RSU1: variants seen among roughly 807,000 people sequenced by gnomAD.
The protein encoded by RSU1 is Ras suppressor protein 1.
RSU1 carries 26 observed loss-of-function variants against 31.1 expected under a neutral mutation model. That is an observed-to-expected ratio of 0.84 (90% confidence interval 0.61 to 1.16). The LOEUF (loss-of-function observed/expected upper bound fraction) is 1.16. Ranked by LOEUF, RSU1 falls within the 50% of genes most tolerant of loss-of-function variation. The pLI is 0.00. For missense variants in RSU1, 320 were observed against 339.1 expected (o/e 0.94, Z 0.44); for synonymous variants, 164 against 136.3 (o/e 1.20, Z -1.41).
At chr10:16,613,086 G>T (rs989251507) in intron 8 of RSU1, among the ~76,000 whole-genome samples, 1 of 151,798 alleles carries the variant, frequency 6.6e-6, no homozygotes, top group South Asian at 2.1e-4. Context: ...AATCATCATC[G>T]CCTCTCCCCC....
chr10:16,614,511 A>G (rs115930556), intron 8 of RSU1, among the ~76,000 whole-genome samples: 2,614 of 152,304 alleles, frequency 0.017, 79 homozygotes, highest in African/African-American at 0.059. Context: ...AAGAGTATCA[A>G]TGGATTGTTT....
intron 3 of RSU1, among the ~76,000 whole-genome samples, chr10:16,781,654 A>G (rs1837652523): frequency 6.6e-6 from 1 of 152,134 alleles, no homozygotes; most frequent in Non-Finnish European, 1.5e-5. Context: ...CAGAGCAACA[A>G]TGTCATTTTT....
intron 8 of RSU1, among the ~76,000 whole-genome samples, chr10:16,605,612 C>T (rs1305343768): frequency 1.3e-5 from 2 of 152,160 alleles, no homozygotes. Context: ...GCATCACTTC[C>T]TGATGTCCTC....
intron 8 of RSU1, among the ~76,000 whole-genome samples, chr10:16,673,823 C>G (rs900795515): frequency 1.7e-4 from 26 of 152,298 alleles, no homozygotes; most frequent in African/African-American, 6.0e-4. Flanking sequence ...AGATCAGGCT[C>G]TAAGTACTTT....
At chr10:16,732,304 T>C (rs998152866) in intron 7 of RSU1, among the ~76,000 whole-genome samples, 8 of 152,228 alleles carry the variant, frequency 5.3e-5, no homozygotes, top group Non-Finnish European at 1.2e-4. Context: ...GGACTGAGTA[T>C]TTATGACCCC....
At chr10:16,816,824 C>T in intron 2 of RSU1, 149 bp downstream of exon 2, 1 of 616,752 alleles carries the variant, frequency 1.6e-6, no homozygotes, top group Non-Finnish European at 2.9e-6. Context: ...TACTGCAAAC[C>T]CTCTGCGCGA....
intron 4 of RSU1, among the ~76,000 whole-genome samples, chr10:16,762,177 T>C (rs1837222269): frequency 6.6e-6 from 1 of 152,112 alleles, no homozygotes; most frequent in African/African-American, 2.4e-5. Context: ...GAATAGTCAC[T>C]TACATAGTCA....
chr10:16,617,358 A>T (rs1214705410), intron 8 of RSU1, among the ~76,000 whole-genome samples: 1 of 152,226 alleles, frequency 6.6e-6, no homozygotes, highest in Non-Finnish European at 1.5e-5. Flanking sequence ...ATGGAAGAAC[A>T]TTCCATGCTC....
intron 4 of RSU1, among the ~76,000 whole-genome samples, chr10:16,759,221 C>T (rs967482363): frequency 7.2e-5 from 11 of 152,054 alleles, no homozygotes; most frequent in South Asian, 2.1e-4. Context: ...AAATCCAGGC[C>T]GAGCCCAGTA....
chr10:16,671,289 C>G (rs1835100751), intron 8 of RSU1, among the ~76,000 whole-genome samples: 1 of 152,180 alleles, frequency 6.6e-6, no homozygotes, highest in African/African-American at 2.4e-5. Flanking sequence ...AGTGATCCTC[C>G]TGCCTTGTCC....
At chr10:16,651,225 C>G (rs1306989097) in intron 8 of RSU1, among the ~76,000 whole-genome samples, 3 of 152,156 alleles carry the variant, frequency 2.0e-5, no homozygotes, top group African/African-American at 7.2e-5. Context: ...AGGATTGAAT[C>G]AATGATATGA....
At chr10:16,711,333 T>C (rs1333433773) in intron 7 of RSU1, among the ~76,000 whole-genome samples, 1 of 84,876 alleles carries the variant, frequency 1.2e-5, no homozygotes, top group Non-Finnish European at 2.5e-5. Flanking sequence ...TTGCTTATCT[T>C]TTCAAAAAAA....
In RSU1 at chr10:16,590,761, G is replaced by T. The variant is rs1022216524; in HGVS notation, c.*2633C>A. 6 of 152,152 alleles carry T rather than the reference G, an allele frequency of 3.9e-5. No homozygotes were observed. The highest frequency in any genetic ancestry group is 1.4e-4 in the African/African-American group (6 of 41,440). 9.4% of individuals were successfully genotyped at this position (152,152 alleles called of 1,614,324 possible). A position where few individuals can be genotyped will look rare whatever the true frequency, so the allele number is the denominator to read the frequency against. Reference sequence around the variant, plus strand: ...ATAATTTAACTGCCTTAAAATAATTGTGTTCACCTCTATTTAATTTTTATG... The same window carrying T: ...ATAATTTAACTGCCTTAAAATAATTTTGTTCACCTCTATTTAATTTTTATG... On this transcript the variant is annotated 3_prime_UTR_variant, in exon 9 of 9. Coordinates refer to ENST00000345264, the MANE Select transcript of RSU1 (RefSeq NM_012425.4).
At chr10:16,663,328 A>C (rs1346845761) in intron 8 of RSU1, among the ~76,000 whole-genome samples, 1 of 152,132 alleles carries the variant, frequency 6.6e-6, no homozygotes, top group African/African-American at 2.4e-5. Context: ...CAGAGTGAAG[A>C]GAGGAGTCTT....
intron 7 of RSU1, among the ~76,000 whole-genome samples, chr10:16,733,333 T>TAA (rs569239845): frequency 3.0e-4 from 24 of 79,608 alleles, no homozygotes; most frequent in East Asian, 6.8e-4. Context: ...TCTACGACAA[T>TAA]AAAAAAAAAA....
chr10:16,617,152 T>C (rs915122729), intron 8 of RSU1, among the ~76,000 whole-genome samples: 9 of 152,170 alleles, frequency 5.9e-5, no homozygotes, highest in Admixed American at 5.9e-4. Flanking sequence ...AGATACAAAA[T>C]CAATGTGCAA....
chr10:16,686,415 G>A (rs548776834), intron 8 of RSU1, among the ~76,000 whole-genome samples: 1 of 152,240 alleles, frequency 6.6e-6, no homozygotes, highest in African/African-American at 2.4e-5. Context: ...CTTCAGTGAG[G>A]TCAATATCCA....
chr10:16,750,077 T>C (rs1414966559), intron 7 of RSU1, among the ~76,000 whole-genome samples: 2 of 152,192 alleles, frequency 1.3e-5, no homozygotes, highest in Non-Finnish European at 2.9e-5. Flanking sequence ...CTTACGATAA[T>C]TATAGGTGAT....
intron 7 of RSU1, among the ~76,000 whole-genome samples, chr10:16,699,168 CAG>C (rs3837312): frequency 0.01 from 1,586 of 152,340 alleles, 40 homozygotes; most frequent in East Asian, 0.1. Context: ...GCGAGCGAAA[CAG>C]AGCAATGTCT....
Sources: gnomAD v4.1 joint callset for allele counts (sites outside exome capture counted in the v4.1 genomes callset) on GRCh38, gnomAD v4.1.1 for gene constraint, MANE v1.5 for transcripts, NCBI Gene and HGNC (gene_info 2026-07-23, HGNC 2026-07-21) for gene names.